COL4A4: variants seen among roughly 807,000 people sequenced by gnomAD.
COL4A4 encodes the protein collagen alpha-4(IV) chain.
A neutral mutation model predicts 192.9 loss-of-function variants in COL4A4; 105 were observed. That is an observed-to-expected ratio of 0.54 (90% confidence interval 0.46 to 0.64). The LOEUF is 0.64. COL4A4 is among the 30% of genes least tolerant of loss of function. The probability of loss-of-function intolerance (pLI) is 0.00; values close to 1 mark genes in which losing one functional copy is unlikely to be tolerated. For synonymous variants in COL4A4, 762 were observed against 769.9 expected, an observed-to-expected ratio of 0.99 and a Z score of 0.17; for missense variants, 1,967 against 2,169.3, an observed-to-expected ratio of 0.91 and a Z score of 1.85.
chr2:226,996,006 G>C, the COL4A4 span: 12 of 158,360 alleles, frequency 7.6e-5, no homozygotes, highest in Non-Finnish European at 1.7e-4. Context: ...TTGGCCGAAT[G>C]TTGTCCTACT....
intron 44 of COL4A4, among the ~76,000 whole-genome samples, chr2:227,015,624 G>T (rs1018307902): frequency 1.3e-5 from 2 of 152,040 alleles, no homozygotes; most frequent in Non-Finnish European, 2.9e-5. Context: ...TTCATTTTCT[G>T]CTAGCCTGTG....
At chr2:226,977,746 T>G in the COL4A4 span, among the ~76,000 whole-genome samples, 1 of 152,244 alleles carries the variant, frequency 6.6e-6, no homozygotes, top group Non-Finnish European at 1.5e-5. Context: ...CATTGCTAAT[T>G]GAAGAAATCT....
the COL4A4 span, among the ~76,000 whole-genome samples, chr2:226,975,635 T>C: frequency 2.0e-5 from 3 of 152,152 alleles, no homozygotes; most frequent in African/African-American, 7.2e-5. Flanking sequence ...CAAACTATTG[T>C]CCAATGCAGG....
the COL4A4 span, among the ~76,000 whole-genome samples, chr2:226,979,998 G>A: frequency 1.3e-5 from 2 of 152,176 alleles, no homozygotes; most frequent in Non-Finnish European, 2.9e-5. Flanking sequence ...GGAAGAGGAA[G>A]GTGTCAAGGA....
Position 227,007,963 on chromosome 2 carries a change from AG to A in COL4A4, c.4809+54del, listed in dbSNP as rs1962531030. The A allele has an allele frequency of 4.4e-6, 7 of 1,573,332 alleles. 2 individuals carry two copies. The South Asian group carries it at 7.8e-5, about 18-fold the overall frequency. ...GTCCAATCCAGAGAGAAATGGCGGG[AG>A]AAGGTGTTAGGAAATGGTGAATGAG... On this transcript the variant is annotated intron_variant, in intron 47 of 47. Coordinates refer to ENST00000396625, the MANE Select transcript of COL4A4 (RefSeq NM_000092.5).
intron 1 of COL4A4, among the ~76,000 whole-genome samples, chr2:227,151,931 A>T (rs1194269150): frequency 6.6e-6 from 1 of 152,254 alleles, no homozygotes; most frequent in Non-Finnish European, 1.5e-5. Flanking sequence ...TGTTGTTCAT[A>T]AATCACCCAG....
Position 227,030,436 on chromosome 2 carries a change from T to G in COL4A4, c.3973+7A>C. On this transcript the variant is annotated splice_region_variant and intron_variant, in intron 41 of 47. Transcript: ENST00000396625. Reference sequence around the variant, plus strand: ...TCACATATTACTTAACGGAACAACATTCATACCTTTCTGGCCATCTTTTCC... The same window carrying G: ...TCACATATTACTTAACGGAACAACAGTCATACCTTTCTGGCCATCTTTTCC... 3.7e-6 allele frequency: 6 copies of G among 1,614,084 alleles called. No individual in the cohort carries two copies. Among genetic ancestry groups the G allele is most frequent in the Non-Finnish European group, 5.1e-6 (6 of 1,179,982 alleles).
At chr2:227,047,014 A>C (rs1278753248) in intron 35 of COL4A4, among the ~76,000 whole-genome samples, 1 of 152,110 alleles carries the variant, frequency 6.6e-6, no homozygotes, top group East Asian at 1.9e-4. Flanking sequence ...ATGATGGCTC[A>C]ACAATGGCGC....
In COL4A4 at chr2:227,041,830, A is replaced by AAG. The variant is rs1456908722; in HGVS notation, c.3505+316_3505+317dup. Reference sequence around the variant, plus strand: ...GAAGAAAGAAAGAAAGAAAGAAAGAAAGAAAGAAAGAAAGAAAGAGAAAGA... The same window carrying AAG: ...GAAGAAAGAAAGAAAGAAAGAAAGAAAGAGAAAGAAAGAAAGAAAGAGAAAGA... On this transcript the variant is annotated intron_variant, in intron 37 of 47. Coordinates refer to ENST00000396625, the MANE Select transcript of COL4A4 (RefSeq NM_000092.5). 6.5e-3 allele frequency among the ~76,000 whole-genome samples: 282 copies of AAG among 43,348 alleles called. 10 individuals are homozygous for AAG. The highest frequency in any genetic ancestry group is 6.6e-3 in the Non-Finnish European group (161 of 24,330). 28.4% of individuals were successfully genotyped at this position (43,348 alleles called of 152,430 possible).
chr2:227,029,228 T>C (rs1038055981), intron 41 of COL4A4, among the ~76,000 whole-genome samples: 2 of 152,212 alleles, frequency 1.3e-5, no homozygotes, highest in African/African-American at 4.8e-5. Flanking sequence ...TCCTCAGTCC[T>C]GAACTTCATG....
intron 46 of COL4A4, among the ~76,000 whole-genome samples, chr2:227,008,671 A>G (rs1270929158): frequency 6.6e-6 from 1 of 152,248 alleles, no homozygotes; most frequent in Non-Finnish European, 1.5e-5. Flanking sequence ...AAGGAAGGAT[A>G]ACTGGAATAT....
intron 37 of COL4A4, among the ~76,000 whole-genome samples, chr2:227,036,172 G>T (rs1291250290): frequency 6.6e-6 from 1 of 152,162 alleles, no homozygotes; most frequent in East Asian, 1.9e-4. Context: ...ATTTAAGGCT[G>T]CAGCACACTG....
rs1559493113 is a variant in COL4A4 at position 227,047,420 on chromosome 2, G to A, written c.3289+55C>T. 3.1e-5 allele frequency: 39 copies of A among 1,259,614 alleles called. No homozygotes were observed. In the South Asian group the frequency reaches 4.5e-4, roughly 14 times the overall value. 78.0% of individuals were successfully genotyped at this position (1,259,614 alleles called of 1,614,324 possible). A position where few individuals can be genotyped will look rare whatever the true frequency, so the allele number is the denominator to read the frequency against. On this transcript the variant is annotated intron_variant, in intron 35 of 47. Transcript: ENST00000396625. ...ATTGCCAGCTAGAAGTAATTGTTCT[G>A]CTTTTCAAACTAAACTACTTTTTTT...
At position 227,047,835 on chromosome 2, in the gene COL4A4, T is replaced by A. The variant is rs2272201; in HGVS notation, c.3215-286A>T. Among the ~76,000 whole-genome samples the A allele has an allele frequency of 0.51, 77,746 of 151,554 alleles. 20,065 individuals carry two copies. Among genetic ancestry groups the A allele is most frequent in the South Asian group, 0.63 (3,015 of 4,794 alleles). On this transcript the variant is annotated intron_variant, in intron 34 of 47. Transcript: ENST00000396625. Reference sequence around the variant, plus strand: ...TTTGAGTTTTTAAGTCCTGAAAAAATTTTCAACTTTAGGTTTCTATTTAAG... The same window carrying A: ...TTTGAGTTTTTAAGTCCTGAAAAAAATTTCAACTTTAGGTTTCTATTTAAG...
chr2:227,148,118 G>C (rs1337403585), intron 1 of COL4A4, among the ~76,000 whole-genome samples: 1 of 152,066 alleles, frequency 6.6e-6, no homozygotes. Context: ...GTTAAACATA[G>C]AGTTACTATA....
At chr2:227,082,076 CA>C (rs779395718) in intron 23 of COL4A4, 38 bp downstream of exon 23, 194 of 1,544,632 alleles carry the variant, frequency 1.3e-4, no homozygotes, top group Non-Finnish European at 4.9e-5. Flanking sequence ...ATACATCATT[CA>C]TAAAATGGCA....
intron 44 of COL4A4, among the ~76,000 whole-genome samples, chr2:227,014,908 T>C (rs1964551806): frequency 6.7e-6 from 1 of 148,606 alleles, no homozygotes; most frequent in Admixed American, 6.7e-5. Context: ...TTTTTTTTTT[T>C]TTTTTTCTGA....
chr2:227,060,011 C>T, intron 27 of COL4A4, 125 bp downstream of exon 27: 1 of 694,686 alleles, frequency 1.4e-6, no homozygotes, highest in Non-Finnish European at 2.4e-6. Flanking sequence ...CACCATTTCC[C>T]TATTATCTAG....
At position 227,123,225 on chromosome 2, in the gene COL4A4, TG is replaced by T. The variant is rs200834588; in HGVS notation, c.193-2078del. On this transcript the variant is annotated intron_variant, in intron 4 of 47. Coordinates refer to ENST00000396625, the MANE Select transcript of COL4A4 (RefSeq NM_000092.5). The surrounding 1 kb of genome is among the most constrained non-coding windows in gnomAD (Gnocchi z 4.6). ...CCAGGCCCAGACACCAGGAGGGAGA[TG>T]GGGCAGGAGCCCCGTAAAAATAGTG... Among the ~76,000 whole-genome samples, 928 of 152,286 alleles carry T rather than the reference TG, an allele frequency of 6.1e-3. 6 individuals carry two copies. Among genetic ancestry groups the T allele is most frequent in the African/African-American group, 0.021 (862 of 41,556 alleles).
Sources: allele counts gnomAD v4.1 joint callset (sites outside exome capture counted in the v4.1 genomes callset), GRCh38; gene constraint gnomAD v4.1.1; non-coding constraint Gnocchi (gnomAD v3.1); transcripts MANE v1.5; gene names NCBI Gene and HGNC (gene_info 2026-07-23, HGNC 2026-07-21).